The following ZNF431 variants were observed in gnomAD, a reference collection of about 807,000 sequenced individuals.
The protein encoded by ZNF431 is zinc finger protein 431.
A neutral mutation model predicts 57.0 loss-of-function variants in ZNF431; 34 were observed. The observed-to-expected ratio is 0.60, with a 90% confidence interval of 0.45 to 0.79. The LOEUF is 0.79. Ranked by LOEUF, ZNF431 falls within the 30% of genes least tolerant of loss-of-function variation. ZNF431 has a pLI of 0.00. For synonymous variants in ZNF431, 207 were observed against 220.3 expected (o/e 0.94, Z 0.54); for missense variants, 607 against 667.1 (o/e 0.91, Z 0.99).
Position 21,182,859 on chromosome 19 carries a change from C to G in ZNF431, c.556C>G (p.His186Asp). ...FPCDKYVKVF[H>D]KFLNANRHKT... ...ATGTGATAAATATGTGAAAGTCTTT[C>G]ATAAATTTTTAAATGCAAATAGACA... is the stretch of plus-strand genomic sequence containing the variant. The change falls in exon 5 of 5, where the codon CAT becomes GAT. Residue 186 changes from histidine (H) to aspartate (D), a missense_variant. By Grantham distance (81) the His-to-Asp change is moderately conservative (BLOSUM62 -1). Coordinates refer to ENST00000311048, the MANE Select transcript of ZNF431 (RefSeq NM_133473.4). The G allele has an allele frequency of 6.2e-7, 1 of 1,613,900 alleles. No individual in the cohort carries two copies. Among genetic ancestry groups the G allele is most frequent in the South Asian group, 1.1e-5 (1 of 91,066 alleles).
Position 21,183,911 on chromosome 19 carries a change from A to G in ZNF431, c.1608A>G (p.Arg536=). ...CTAAACATAGGAAAATTCATACTAG[A>G]CAGAAACCCTACAACTGTGAAGAAT... ...TLTKHRKIHT[R]QKPYNCEECD... The change falls in exon 5 of 5, where the codon AGA becomes AGG. Residue 536 remains arginine (R), a synonymous_variant. Coordinates refer to ENST00000311048, the MANE Select transcript of ZNF431 (RefSeq NM_133473.4). 1 of 1,613,942 alleles carries G rather than the reference A, an allele frequency of 6.2e-7. No individual in the cohort carries two copies. The highest frequency in any genetic ancestry group is 8.5e-7 in the Non-Finnish European group (1 of 1,179,836).
chr19:21,158,656 G>A (rs971629479), intron 2 of ZNF431, among the ~76,000 whole-genome samples: 10 of 152,126 alleles, frequency 6.6e-5, no homozygotes, highest in East Asian at 1.9e-4. Flanking sequence ...TGATGTAAAC[G>A]GATGCCATTG....
intron 2 of ZNF431, among the ~76,000 whole-genome samples, chr19:21,144,497 C>G (rs541145048): frequency 6.6e-6 from 1 of 152,066 alleles, no homozygotes; most frequent in Admixed American, 6.5e-5. Flanking sequence ...AGCCACTGTG[C>G]CTGGCAGGTA....
intron 4 of ZNF431, among the ~76,000 whole-genome samples, chr19:21,168,688 A>C (rs1970794191): frequency 6.6e-6 from 1 of 151,280 alleles, no homozygotes; most frequent in Non-Finnish European, 1.5e-5. Flanking sequence ...TTTAAAATTT[A>C]TTTTTGTCTT....
At chr19:21,164,892 C>A (rs1020290192) in intron 2 of ZNF431, among the ~76,000 whole-genome samples, 2 of 151,784 alleles carry the variant, frequency 1.3e-5, no homozygotes, top group African/African-American at 4.9e-5. Flanking sequence ...AGGTGGATCA[C>A]TTGAGGTTGG....
At chr19:21,174,638 T>C (rs980165773) in intron 4 of ZNF431, among the ~76,000 whole-genome samples, 16 of 152,360 alleles carry the variant, frequency 1.1e-4, no homozygotes, top group African/African-American at 3.6e-4. Flanking sequence ...TCTGTTACTT[T>C]CAACCTATTT....
intron 2 of ZNF431, among the ~76,000 whole-genome samples, chr19:21,144,199 G>A (rs189598667): frequency 1.4e-3 from 210 of 151,818 alleles, no homozygotes; most frequent in East Asian, 2.1e-3. Flanking sequence ...GGCTTGAAAG[G>A]TAGGAATTTT....
chr19:21,154,687 T>C (rs1337403631), intron 2 of ZNF431, among the ~76,000 whole-genome samples: 1 of 152,018 alleles, frequency 6.6e-6, no homozygotes, highest in Non-Finnish European at 1.5e-5. Context: ...ACCTGTTGTT[T>C]CCTGACTTTT....
rs537958125 is a variant in ZNF431 at position 21,161,779 on chromosome 19, G to A, written c.97-4556G>A. Among the ~76,000 whole-genome samples the A allele has an allele frequency of 8.6e-5, 13 of 151,806 alleles. No homozygotes were observed. The South Asian group carries it at 2.1e-3, about 24-fold the overall frequency. ...AGTGATTCTCCTGCCTCATCCTCCC[G>A]AGTAGCTGGGATTACAGGCTTGCAC... On this transcript the variant is annotated intron_variant, in intron 2 of 4. Coordinates refer to ENST00000311048, the MANE Select transcript of ZNF431 (RefSeq NM_133473.4).
chr19:21,172,101 T>C (rs993713669), intron 4 of ZNF431, among the ~76,000 whole-genome samples: 8 of 143,442 alleles, frequency 5.6e-5, no homozygotes, highest in Non-Finnish European at 1.1e-4. Context: ...TCTGTATTTT[T>C]TTCTGTTTTT....
At chr19:21,157,328 G>A (rs908760253) in intron 2 of ZNF431, among the ~76,000 whole-genome samples, 33 of 152,036 alleles carry the variant, frequency 2.2e-4, no homozygotes, top group African/African-American at 6.3e-4. Flanking sequence ...AGTAGAGACA[G>A]AGTTTTGCCA....
At chr19:21,171,132 G>A (rs1476810654) in intron 4 of ZNF431, among the ~76,000 whole-genome samples, 2 of 151,330 alleles carry the variant, frequency 1.3e-5, no homozygotes, top group Non-Finnish European at 2.9e-5. Context: ...TATTTAAAAC[G>A]TAAAATTTAT....
rs1190406864 is a variant in ZNF431 at position 21,162,644 on chromosome 19, C to T, written c.97-3691C>T. The T allele has an allele frequency of 1.3e-5, 11 of 870,304 alleles. No individual in the cohort carries two copies. The African/African-American group carries it at 1.8e-4, about 14-fold the overall frequency. The allele number at this position is 870,304 out of a possible 1,614,324, so 53.9% of individuals were successfully genotyped here. ...TGGAGCCCTTATTTAGGTCTGGCCCCACCCTGGAGTCTTGCATCACAAAGC... is the reference window on the plus strand; with the variant it reads ...TGGAGCCCTTATTTAGGTCTGGCCCTACCCTGGAGTCTTGCATCACAAAGC... On this transcript the variant is annotated intron_variant, in intron 2 of 4. Transcript: ENST00000311048.
intron 2 of ZNF431, among the ~76,000 whole-genome samples, chr19:21,159,983 T>A (rs1269255671): frequency 6.6e-3 from 7 of 1,064 alleles, no homozygotes; most frequent in South Asian, 0.027. Context: ...TGCCTCAGCC[T>A]TTTTTTTTTT....
chr19:21,157,140 CTTTG>C (rs1195090222), intron 2 of ZNF431, among the ~76,000 whole-genome samples: 31 of 151,550 alleles, frequency 2.0e-4, no homozygotes, highest in African/African-American at 5.1e-4. Context: ...TGTTTTATGT[CTTTG>C]TTTGTTTGTT....
At chr19:21,143,441 T>C (rs1459387370) in intron 1 of ZNF431, 110 bp from the exon 2 acceptor site, 12 of 852,306 alleles carry the variant, frequency 1.4e-5, no homozygotes, top group African/African-American at 1.4e-4. Context: ...TTTAGTTTTT[T>C]TCTGGTCGTG....
intron 2 of ZNF431, among the ~76,000 whole-genome samples, chr19:21,145,536 G>T (rs1970062556): frequency 6.6e-6 from 1 of 152,098 alleles, no homozygotes; most frequent in African/African-American, 2.4e-5. Context: ...ATCCTCCCCT[G>T]CAGATGTCCC....
At chr19:21,146,264 G>A (rs1415458702) in intron 2 of ZNF431, among the ~76,000 whole-genome samples, 1 of 152,128 alleles carries the variant, frequency 6.6e-6, no homozygotes, top group South Asian at 2.1e-4. Context: ...ATAAAAATTA[G>A]CCAGGCTTGG....
intron 4 of ZNF431, among the ~76,000 whole-genome samples, chr19:21,168,753 G>A (rs749174687): frequency 1.6e-4 from 24 of 151,370 alleles, no homozygotes; most frequent in Admixed American, 1.2e-3. Context: ...TACCTTCTTC[G>A]TTATATTTGT....
Sources: gnomAD v4.1 joint callset for allele counts (sites outside exome capture counted in the v4.1 genomes callset) on GRCh38, gnomAD v4.1.1 for gene constraint, MANE v1.5 for transcripts, NCBI Gene and HGNC (gene_info 2026-07-23, HGNC 2026-07-21) for gene names.